RSRC1: variants seen among roughly 807,000 people sequenced by gnomAD.
RSRC1 encodes arginine and serine rich coiled-coil 1.
RSRC1 carries 39 observed loss-of-function variants against 49.1 expected under a neutral mutation model. The ratio of observed to expected loss-of-function variants is 0.79; its 90% confidence interval spans 0.61 to 1.04. The LOEUF is 1.04. Among genes scored for constraint, RSRC1 ranks in the 50% least tolerant of loss-of-function variants. The pLI is 0.00. For missense variants in RSRC1, 388 were observed against 402.4 expected, an observed-to-expected ratio of 0.96 and a Z score of 0.31; for synonymous variants, 143 against 130.8, an observed-to-expected ratio of 1.09 and a Z score of -0.63.
At chr3:158,327,042 G>A (rs1014222648) in intron 5 of RSRC1, among the ~76,000 whole-genome samples, 5 of 152,134 alleles carry the variant, frequency 3.3e-5, no homozygotes, top group Admixed American at 6.5e-5. Flanking sequence ...ATTCTCTGAT[G>A]GTAGTTTGTA....
At chr3:158,354,947 G>A (rs766300428) in intron 6 of RSRC1, 39 bp downstream of exon 6, 14 of 1,407,426 alleles carry the variant, frequency 9.9e-6, no homozygotes, top group Middle Eastern at 1.8e-4. Context: ...ATGAAGAAGT[G>A]ACGAGTAAAC....
chr3:158,485,783 A>G (rs1001291722), intron 7 of RSRC1, among the ~76,000 whole-genome samples: 20 of 152,158 alleles, frequency 1.3e-4, no homozygotes, highest in African/African-American at 4.6e-4. Flanking sequence ...AATAAATTAG[A>G]TAACTGTGAT....
intron 4 of RSRC1, among the ~76,000 whole-genome samples, chr3:158,209,107 A>G (rs1721515479): frequency 6.6e-6 from 1 of 152,170 alleles, no homozygotes; most frequent in Non-Finnish European, 1.5e-5. Flanking sequence ...ACCAGCTAGG[A>G]AAATTTGGTT....
rs550855861 is a variant in RSRC1, at chr3:158,515,301, C to T, written c.653-21791C>T. ...TCTTTTAGGGCAGGCCTGGTGGTGA[C>T]AAAATCTCTCAGCATTTGCTTGTCT... On this transcript the variant is annotated intron_variant, in intron 7 of 9. Transcript: ENST00000611884. Among the ~76,000 whole-genome samples, 1,387 of 149,836 alleles carry T rather than the reference C, an allele frequency of 9.3e-3. 13 individuals carry two copies. Among genetic ancestry groups the T allele is most frequent in the African/African-American group, 0.033 (1,321 of 40,324 alleles).
At chr3:158,492,856 C>G (rs1164374138) in intron 7 of RSRC1, among the ~76,000 whole-genome samples, 2 of 152,168 alleles carry the variant, frequency 1.3e-5, no homozygotes, top group Admixed American at 1.3e-4. Flanking sequence ...TCCCACTCCT[C>G]CCCCGCAACA....
chr3:158,534,374 T>G (rs1576613495), intron 7 of RSRC1, among the ~76,000 whole-genome samples: 1 of 151,714 alleles, frequency 6.6e-6, no homozygotes, highest in African/African-American at 2.4e-5. Flanking sequence ...CTATAAAAAT[T>G]AGTTTGCTGC....
chr3:158,409,220 C>T (rs1156542008), intron 6 of RSRC1, among the ~76,000 whole-genome samples: 1 of 151,944 alleles, frequency 6.6e-6, no homozygotes, highest in Non-Finnish European at 1.5e-5. Flanking sequence ...ATAATCTATA[C>T]AGTAAACCCC....
chr3:158,365,012 A>G (rs1021886747), intron 6 of RSRC1, among the ~76,000 whole-genome samples: 27 of 152,160 alleles, frequency 1.8e-4, no homozygotes, highest in African/African-American at 6.3e-4. Flanking sequence ...GTTAGCTAGT[A>G]GGAGTAGTTT....
intron 7 of RSRC1, among the ~76,000 whole-genome samples, chr3:158,520,102 A>G (rs1711576393): frequency 6.6e-6 from 1 of 152,222 alleles, no homozygotes; most frequent in Non-Finnish European, 1.5e-5. Flanking sequence ...TTTCAAGGAC[A>G]GTCAAAGGTA....
chr3:158,164,423 T>G (rs1375674239), intron 3 of RSRC1, among the ~76,000 whole-genome samples: 1 of 152,108 alleles, frequency 6.6e-6, no homozygotes, highest in African/African-American at 2.4e-5. Flanking sequence ...AGAATACTTT[T>G]TGTGCTTCCA....
chr3:158,472,946 A>T (rs971831938), intron 7 of RSRC1, among the ~76,000 whole-genome samples: 1 of 152,204 alleles, frequency 6.6e-6, no homozygotes, highest in African/African-American at 2.4e-5. Context: ...GAGAAATGCA[A>T]ATCAAAACCA....
chr3:158,477,052 A>G (rs1021633664), intron 7 of RSRC1, among the ~76,000 whole-genome samples: 1 of 152,182 alleles, frequency 6.6e-6, no homozygotes, highest in Non-Finnish European at 1.5e-5. Context: ...GAGAAAAACT[A>G]GAAGAGGAAC....
rs75625608 is a variant in RSRC1, at chr3:158,189,009, G to T, written c.321-14063G>T. 1.8e-4 allele frequency among the ~76,000 whole-genome samples: 27 copies of T among 151,832 alleles called. No homozygotes were observed. In the East Asian group the frequency reaches 3.1e-3, roughly 17 times the overall value. On this transcript the variant is annotated intron_variant, in intron 3 of 9. Coordinates refer to ENST00000611884, the MANE Select transcript of RSRC1 (RefSeq NM_001271838.2). The stretch of plus-strand genomic sequence containing the variant: ...TAGCTATATTCTACAAATTTTTGAT[G>T]TGTCATATTTTAGCTTTCATTTGAT...
At chr3:158,162,332 G>A (rs1044948762) in intron 3 of RSRC1, among the ~76,000 whole-genome samples, 12 of 152,186 alleles carry the variant, frequency 7.9e-5, no homozygotes, top group African/African-American at 1.9e-4. Context: ...TTTTTTAGTC[G>A]GGCCTACTGG....
intron 3 of RSRC1, among the ~76,000 whole-genome samples, chr3:158,170,696 A>G (rs1414120191): frequency 2.6e-5 from 4 of 152,150 alleles, no homozygotes; most frequent in African/African-American, 9.7e-5. Context: ...GGAAGCAAAG[A>G]CCCTCAGAGA....
intron 4 of RSRC1, among the ~76,000 whole-genome samples, chr3:158,279,374 A>G (rs898309253): frequency 1.3e-5 from 2 of 152,320 alleles, no homozygotes; most frequent in South Asian, 2.1e-4. Context: ...AGTAATTTTC[A>G]TGTGTCAGGA....
intron 6 of RSRC1, among the ~76,000 whole-genome samples, chr3:158,365,825 T>G (rs1436227168): frequency 1.3e-5 from 2 of 152,232 alleles, no homozygotes; most frequent in African/African-American, 4.8e-5. Context: ...TCCTTACTTT[T>G]TAATGATGGC....
At chr3:158,401,372 G>A (rs1310802756) in intron 6 of RSRC1, among the ~76,000 whole-genome samples, 1 of 151,848 alleles carries the variant, frequency 6.6e-6, no homozygotes, top group Admixed American at 6.6e-5. Context: ...GTTTTTCCAG[G>A]CTAGCATCAG....
chr3:158,337,286 T>C, intron 5 of RSRC1, among the ~76,000 whole-genome samples: 1 of 152,220 alleles, frequency 6.6e-6, no homozygotes, highest in African/African-American at 2.4e-5. Flanking sequence ...ATTCATCATC[T>C]GCACTTCCAA....
Sources: gnomAD v4.1 joint callset for allele counts (sites outside exome capture counted in the v4.1 genomes callset) on GRCh38, gnomAD v4.1.1 for gene constraint, MANE v1.5 for transcripts, NCBI Gene and HGNC (gene_info 2026-07-23, HGNC 2026-07-21) for gene names.